Variants in KCND2 observed in about 807,000 individuals in gnomAD.
The protein encoded by KCND2 is potassium voltage-gated channel subfamily D member 2, also known as A-type voltage-gated potassium channel KCND2.
A neutral mutation model predicts 54.4 loss-of-function variants in KCND2; 16 were observed. The ratio of observed to expected loss-of-function variants is 0.29; its 90% CI spans 0.20 to 0.45. The LOEUF is 0.45. Among genes scored for constraint, KCND2 ranks in the 20% least tolerant of loss-of-function variants. KCND2 has a pLI of 1.00. For missense variants in KCND2, 486 were observed against 824.2 expected, an observed-to-expected ratio of 0.59 and a Z score of 5.02; for synonymous variants, 317 against 310.7, an observed-to-expected ratio of 1.02 and a Z score of -0.21.
intron 1 of KCND2, among the ~76,000 whole-genome samples, chr7:120,700,297 G>A (rs1562913622): frequency 6.6e-6 from 1 of 152,190 alleles, no homozygotes; most frequent in Non-Finnish European, 1.5e-5. Flanking sequence ...TATAAAGGGA[G>A]AAAATTCATA....
chr7:120,565,827 A>G (rs4727909), intron 1 of KCND2, among the ~76,000 whole-genome samples: 105,197 of 152,040 alleles, frequency 0.69, 38,802 homozygotes, highest in Middle Eastern at 0.88. Flanking sequence ...AAATACAAGT[A>G]TGAATCATTG....
At chr7:120,405,514 A>G (rs1290386885) in intron 1 of KCND2, among the ~76,000 whole-genome samples, 4 of 152,158 alleles carry the variant, frequency 2.6e-5, no homozygotes, top group African/African-American at 4.8e-5. Flanking sequence ...TGTTTAAAAT[A>G]CAACATAATT....
intron 1 of KCND2, among the ~76,000 whole-genome samples, chr7:120,641,061 G>A (rs1014523809): frequency 1.3e-5 from 2 of 152,292 alleles, no homozygotes; most frequent in Middle Eastern, 3.4e-3. Flanking sequence ...GAATGAAGAC[G>A]AGAGAGAGCT....
At chr7:120,443,101 C>G (rs1231582676) in intron 1 of KCND2, among the ~76,000 whole-genome samples, 3 of 151,962 alleles carry the variant, frequency 2.0e-5, no homozygotes, top group African/African-American at 7.2e-5. Flanking sequence ...GTGGTGTCGA[C>G]TTTGATAGAG....
intron 1 of KCND2, among the ~76,000 whole-genome samples, chr7:120,545,102 G>A (rs924394181): frequency 7.9e-5 from 12 of 151,842 alleles, no homozygotes; most frequent in African/African-American, 1.2e-4. Flanking sequence ...TACCATAGGT[G>A]TAAATATTTA....
chr7:120,514,608 T>C (rs759128695), intron 1 of KCND2, among the ~76,000 whole-genome samples: 1 of 152,134 alleles, frequency 6.6e-6, no homozygotes, highest in East Asian at 1.9e-4. Context: ...TTTGTTTTTT[T>C]ACTGATTTTT....
At chr7:120,722,344 G>T (rs749794789) in intron 1 of KCND2, among the ~76,000 whole-genome samples, 1 of 152,130 alleles carries the variant, frequency 6.6e-6, no homozygotes, top group Non-Finnish European at 1.5e-5. Flanking sequence ...ATCAGATCAT[G>T]TCAAGTATTT....
At chr7:120,726,957 T>C (rs1205053503) in intron 1 of KCND2, among the ~76,000 whole-genome samples, 1 of 152,220 alleles carries the variant, frequency 6.6e-6, no homozygotes, top group African/African-American at 2.4e-5. Flanking sequence ...TTTCTTCCTG[T>C]TGTACAAGGA....
chr7:120,501,750 T>C (rs549354496), intron 1 of KCND2, among the ~76,000 whole-genome samples: 8 of 152,264 alleles, frequency 5.3e-5, no homozygotes, highest in Non-Finnish European at 1.2e-4. Flanking sequence ...ACTTTGTTTA[T>C]AGAATTTCAT....
chr7:120,450,285 C>T (rs190044278), intron 1 of KCND2, among the ~76,000 whole-genome samples: 34 of 152,206 alleles, frequency 2.2e-4, no homozygotes, highest in African/African-American at 7.2e-4. Flanking sequence ...TGACATATGC[C>T]TATAGTCCCA....
intron 1 of KCND2, among the ~76,000 whole-genome samples, chr7:120,326,134 T>C (rs973370780): frequency 1.1e-4 from 17 of 152,088 alleles, no homozygotes; most frequent in Admixed American, 3.9e-4. Flanking sequence ...AATACTTATA[T>C]TGAGTAAATA....
At chr7:120,492,147 A>C (rs1802791589) in intron 1 of KCND2, among the ~76,000 whole-genome samples, 1 of 152,096 alleles carries the variant, frequency 6.6e-6, no homozygotes, top group Admixed American at 6.6e-5. Context: ...TTCACTTCCC[A>C]TCACTACTCA....
intron 1 of KCND2, among the ~76,000 whole-genome samples, chr7:120,423,551 G>C (rs961015803): frequency 6.6e-6 from 1 of 152,164 alleles, no homozygotes; most frequent in Non-Finnish European, 1.5e-5. Context: ...CTTGGACATT[G>C]TTGTTTTCTC....
chr7:120,376,255 C>T (rs1006052449), intron 1 of KCND2, among the ~76,000 whole-genome samples: 10 of 151,444 alleles, frequency 6.6e-5, no homozygotes, highest in Non-Finnish European at 1.0e-4. Flanking sequence ...TTCTGGTTGT[C>T]ATAAGAAGGG....
chr7:120,615,420 C>T (rs1793011667), intron 1 of KCND2, among the ~76,000 whole-genome samples: 1 of 152,166 alleles, frequency 6.6e-6, no homozygotes, highest in Admixed American at 6.5e-5. Context: ...AAAGATTTCA[C>T]TATATAGCCC....
At chr7:120,714,037 T>C (rs1008566412) in intron 1 of KCND2, among the ~76,000 whole-genome samples, 3 of 152,174 alleles carry the variant, frequency 2.0e-5, no homozygotes, top group African/African-American at 7.2e-5. Context: ...GAGGATACCA[T>C]ATCTTTTACA....
chr7:120,651,388 G>T, intron 1 of KCND2, among the ~76,000 whole-genome samples: 1 of 152,108 alleles, frequency 6.6e-6, no homozygotes. Context: ...AATGAGTGAG[G>T]CTCCATGGGC....
At chr7:120,363,861 C>T (rs7778213) in intron 1 of KCND2, among the ~76,000 whole-genome samples, 16,195 of 152,124 alleles carry the variant, frequency 0.11, 893 homozygotes, top group Admixed American at 0.13. Flanking sequence ...TTCTGTTGCT[C>T]ACTCTGCCCT....
At chr7:120,600,130 C>G (rs1384949722) in intron 1 of KCND2, among the ~76,000 whole-genome samples, 1 of 151,576 alleles carries the variant, frequency 6.6e-6, no homozygotes, top group African/African-American at 2.4e-5. Flanking sequence ...TGGATAATCA[C>G]AAGATAAATG....
Sources: allele counts gnomAD v4.1 joint callset (sites outside exome capture counted in the v4.1 genomes callset), GRCh38; gene constraint gnomAD v4.1.1; transcripts MANE v1.5; gene names NCBI Gene and HGNC (gene_info 2026-07-23, HGNC 2026-07-21).